CIB4: variants seen among roughly 807,000 people sequenced by gnomAD.
The protein encoded by CIB4 is calcium and integrin binding family member 4.
Under a neutral mutation model 25.8 loss-of-function variants are expected in CIB4, and 25 were observed. That is an observed-to-expected ratio of 0.97 (90% CI 0.71 to 1.35). The LOEUF (loss-of-function observed/expected upper bound fraction) is 1.35, where lower values mean the gene tolerates loss of function less well. Among genes scored for constraint, CIB4 ranks in the 40% most tolerant of loss-of-function variants. The pLI is 0.00. For missense variants in CIB4, 235 were observed against 228.2 expected (o/e 1.03, Z -0.19); for synonymous variants, 75 against 81.4 (o/e 0.92, Z 0.42).
In CIB4 at chr2:26,588,974, C is replaced by CTTCT. The variant is rs1297996579; in HGVS notation, c.329-5080_329-5077dup. On this transcript the variant is annotated intron_variant, in intron 4 of 6. Transcript: ENST00000288861. ...CTGGCTGCTGCCGCTGCTGCCGCTTCTTCTTTCTTCTTCTTCTTCTTCTTC... is the reference window on the plus strand; with the variant it reads ...CTGGCTGCTGCCGCTGCTGCCGCTTCTTCTTTCTTTCTTCTTCTTCTTCTTCTTC... Among the ~76,000 whole-genome samples, 110 of 91,994 alleles carry CTTCT rather than the reference C, an allele frequency of 1.2e-3. 14 individuals carry two copies. Among genetic ancestry groups the CTTCT allele is most frequent in the African/African-American group, 4.3e-3 (103 of 24,172 alleles). 60.4% of individuals were successfully genotyped at this position (91,994 alleles called of 152,430 possible).
At chr2:26,623,435 T>A in intron 3 of CIB4, 1 of 442,392 alleles carries the variant, frequency 2.3e-6, no homozygotes, top group South Asian at 1.7e-5. Context: ...CTTGAAAGGC[T>A]GAGTAAATTT....
chr2:26,640,597 C>A, intron 1 of CIB4, 30 bp from the exon 2 acceptor site: 1 of 1,608,336 alleles, frequency 6.2e-7, no homozygotes, highest in Non-Finnish European at 8.5e-7. Context: ...AGCGACGTGT[C>A]CACTCCATTC....
intron 3 of CIB4, among the ~76,000 whole-genome samples, chr2:26,595,841 T>C (rs1366302151): frequency 2.0e-5 from 3 of 151,836 alleles, no homozygotes; most frequent in East Asian, 3.9e-4. Flanking sequence ...GGGAGGGAGG[T>C]GGTTGCCAGG....
At chr2:26,585,274 G>A (rs1437270384) in intron 4 of CIB4, among the ~76,000 whole-genome samples, 1 of 148,008 alleles carries the variant, frequency 6.8e-6, no homozygotes, top group African/African-American at 2.7e-5. Flanking sequence ...GCCACCCTGG[G>A]ATGCCAGGCA....
chr2:26,616,329 G>C (rs1365711305), intron 3 of CIB4, among the ~76,000 whole-genome samples: 1 of 152,180 alleles, frequency 6.6e-6, no homozygotes. Flanking sequence ...CAACTCCTAG[G>C]GTGCTCACAG....
intron 3 of CIB4, among the ~76,000 whole-genome samples, chr2:26,611,513 A>G (rs1156947811): frequency 6.6e-6 from 1 of 152,200 alleles, no homozygotes; most frequent in Admixed American, 6.5e-5. Context: ...CCTATGAGGC[A>G]TAAAGGTTTT....
At position 26,590,258 on chromosome 2, in the gene CIB4, T is replaced by TAAAAAAAAAAAAAAAAAAAAAA. The variant is rs869097756; in HGVS notation, c.328+4896_328+4917dup. ...CCTGGAGCTGGGGCCCAAGCATCTG[T>TAAAAAAAAAAAAAAAAAAAAAA]AAAAAAAAAAAAAAAAAAAAAAAAA... On this transcript the variant is annotated intron_variant, in intron 4 of 6. Coordinates refer to ENST00000288861, the MANE Select transcript of CIB4 (RefSeq NM_001029881.3). Among the ~76,000 whole-genome samples, 3 of 61,830 alleles carry TAAAAAAAAAAAAAAAAAAAAAA rather than the reference T, an allele frequency of 4.9e-5. No individual in the cohort carries two copies. In the Admixed American group the frequency reaches 9.3e-4, roughly 19 times the overall value. 40.6% of individuals were successfully genotyped at this position (61,830 alleles called of 152,430 possible). A position where few individuals can be genotyped will look rare whatever the true frequency, so the allele number is the denominator to read the frequency against.
intron 4 of CIB4, among the ~76,000 whole-genome samples, chr2:26,588,313 G>A (rs2148190181): frequency 6.6e-6 from 1 of 152,390 alleles, no homozygotes; most frequent in African/African-American, 2.4e-5. Context: ...TAGAGTAAAT[G>A]TATTCCTGGA....
intron 3 of CIB4, among the ~76,000 whole-genome samples, chr2:26,618,520 G>A (rs529567977): frequency 6.6e-6 from 1 of 152,250 alleles, no homozygotes; most frequent in South Asian, 2.1e-4. Context: ...GGCTGGTCTT[G>A]AACTCCTGGG....
At position 26,640,560 on chromosome 2, in the gene CIB4, G is replaced by T; in HGVS notation, c.62C>A (p.Thr21Asn). Residue 21 changes from threonine (T) to asparagine (N), a missense_variant, in exon 2 of 7, where the codon ACC becomes AAC. Transcript: ENST00000288861. ...CAGAATTTCATTTCTGGTCAGGAAG[G>T]TCAGGGCCTGCAACAAATCACAGAG... is the stretch of plus-strand genomic sequence containing the variant. ...WEDLEEYQAL[T>N]FLTRNEILCI... The T allele has an allele frequency of 6.2e-7, 1 of 1,613,002 alleles. No homozygotes were observed. Among genetic ancestry groups the T allele is most frequent in the Non-Finnish European group, 8.5e-7 (1 of 1,179,458 alleles).
intron 3 of CIB4, among the ~76,000 whole-genome samples, chr2:26,613,772 T>C (rs1268421980): frequency 1.3e-5 from 2 of 152,188 alleles, no homozygotes; most frequent in South Asian, 2.1e-4. Context: ...GCCTGGGCTC[T>C]TGTGAGGGGC....
chr2:26,589,859 C>T (rs185202230), intron 4 of CIB4, among the ~76,000 whole-genome samples: 137 of 152,222 alleles, frequency 9.0e-4, no homozygotes, highest in African/African-American at 2.3e-3. Flanking sequence ...GCACTTTGGA[C>T]GTACTTTTGT....
At chr2:26,629,966 G>A (rs945943161) in intron 2 of CIB4, among the ~76,000 whole-genome samples, 2 of 152,158 alleles carry the variant, frequency 1.3e-5, no homozygotes, top group Non-Finnish European at 2.9e-5. Context: ...AGGTCACTTC[G>A]TGGGTCTGAG....
At chr2:26,582,298 C>G (rs377455757) in intron 6 of CIB4, among the ~76,000 whole-genome samples, 4 of 152,188 alleles carry the variant, frequency 2.6e-5, no homozygotes, top group African/African-American at 9.6e-5. Context: ...CAGCAGCACC[C>G]CAAAAAGACT....
chr2:26,603,235 C>T (rs75564577), intron 3 of CIB4, among the ~76,000 whole-genome samples: 1,800 of 152,102 alleles, frequency 0.012, 42 homozygotes, highest in African/African-American at 0.042. Context: ...ATCAGAGGAA[C>T]GAAAAACACG....
chr2:26,630,657 C>T (rs1330841338), intron 2 of CIB4, among the ~76,000 whole-genome samples: 1 of 152,116 alleles, frequency 6.6e-6, no homozygotes, highest in Admixed American at 6.5e-5. Flanking sequence ...AGTTCTGAGG[C>T]GTCGAGCAAG....
chr2:26,629,409 C>A lies in CIB4; in HGVS notation c.186+1G>T, dbSNP rs1281342815. 2 of 1,569,220 alleles carry A rather than the reference C, an allele frequency of 1.3e-6. No homozygotes were observed. Among genetic ancestry groups the A allele is most frequent in the Non-Finnish European group, 1.7e-6 (2 of 1,155,346 alleles). ...TGCCCCACCCACCATCCTGGACTCACCCGCAGAGCTGGCAGGGAGCTGACC... is the reference window on the plus strand; with the variant it reads ...TGCCCCACCCACCATCCTGGACTCAACCGCAGAGCTGGCAGGGAGCTGACC... On this transcript the variant is annotated splice_donor_variant, in intron 3 of 6. Transcript: ENST00000288861. LOFTEE classifies it high-confidence loss of function.
rs1420942845 is a variant in CIB4, at chr2:26,627,543, G to T, written c.186+1867C>A. On this transcript the variant is annotated intron_variant, in intron 3 of 6. Coordinates refer to ENST00000288861, the MANE Select transcript of CIB4 (RefSeq NM_001029881.3). The surrounding 1 kb of genome is among the most constrained non-coding windows in gnomAD (Gnocchi z 4.0). ...CCCCGGGTCCCTTAGTGGATGGCCTGGGTTTGAGAGAAGTCCCACCCACAT... is the reference window on the plus strand; with the variant it reads ...CCCCGGGTCCCTTAGTGGATGGCCTTGGTTTGAGAGAAGTCCCACCCACAT... Among the ~76,000 whole-genome samples, 1 of 152,170 alleles carries T rather than the reference G, an allele frequency of 6.6e-6. No homozygotes were observed. Among genetic ancestry groups the T allele is most frequent in the Non-Finnish European group, 1.5e-5 (1 of 68,022 alleles).
At chr2:26,616,008 G>C (rs1160165291) in intron 3 of CIB4, among the ~76,000 whole-genome samples, 1 of 152,222 alleles carries the variant, frequency 6.6e-6, no homozygotes, top group Admixed American at 6.5e-5. Flanking sequence ...GCGCTGGGGG[G>C]CGGTGGGGGG....
Sources: allele counts gnomAD v4.1 joint callset (sites outside exome capture counted in the v4.1 genomes callset), GRCh38; gene constraint gnomAD v4.1.1; non-coding constraint Gnocchi (gnomAD v3.1); transcripts MANE v1.5; gene names NCBI Gene and HGNC (gene_info 2026-07-23, HGNC 2026-07-21).